The following PPP1R9A variants were observed in gnomAD, a reference collection of about 807,000 sequenced individuals.
PPP1R9A encodes the protein protein phosphatase 1 regulatory subunit 9A, also known as neurabin-1.
In PPP1R9A, 59 loss-of-function variants were observed where a neutral mutation model predicts 141.9. That is an observed-to-expected ratio of 0.42 (90% CI 0.34 to 0.52). PPP1R9A has a LOEUF of 0.52. Among genes scored for constraint, PPP1R9A ranks in the 20% least tolerant of loss-of-function variants. PPP1R9A has a pLI of 0.10. For missense variants in PPP1R9A, 1,444 were observed against 1,611.9 expected, an observed-to-expected ratio of 0.90 and a Z score of 1.78; for synonymous variants, 500 against 569.7, an observed-to-expected ratio of 0.88 and a Z score of 1.74.
intron 7 of PPP1R9A, among the ~76,000 whole-genome samples, chr7:95,223,481 G>A (rs1372770952): frequency 6.6e-6 from 1 of 151,920 alleles, no homozygotes; most frequent in Non-Finnish European, 1.5e-5. Context: ...TCCTTAGGAA[G>A]TTCTGTCTAT....
intron 2 of PPP1R9A, among the ~76,000 whole-genome samples, chr7:95,062,193 G>T (rs1432816648): frequency 6.6e-6 from 1 of 152,098 alleles, no homozygotes; most frequent in Non-Finnish European, 1.5e-5. Context: ...GGAGCAATCT[G>T]CCTGAGACTG....
At chr7:95,167,987 T>C (rs1349220062) in intron 5 of PPP1R9A, among the ~76,000 whole-genome samples, 1 of 152,142 alleles carries the variant, frequency 6.6e-6, no homozygotes, top group Non-Finnish European at 1.5e-5. Flanking sequence ...AGTCTACTGA[T>C]TCAGTACAAT....
chr7:94,937,176 T>C (rs890555438), intron 2 of PPP1R9A, among the ~76,000 whole-genome samples: 2 of 152,074 alleles, frequency 1.3e-5, no homozygotes, highest in African/African-American at 4.8e-5. Context: ...CATGTCTGAG[T>C]GTTGTGGGAT....
intron 4 of PPP1R9A, among the ~76,000 whole-genome samples, chr7:95,158,017 A>T (rs978573097): frequency 6.6e-6 from 1 of 152,250 alleles, no homozygotes; most frequent in Non-Finnish European, 1.5e-5. Flanking sequence ...GACTCAGACA[A>T]ATTTGAAGAA....
chr7:95,083,860 A>G (rs918920734), intron 2 of PPP1R9A, among the ~76,000 whole-genome samples: 11 of 152,048 alleles, frequency 7.2e-5, no homozygotes, highest in African/African-American at 2.7e-4. Flanking sequence ...AGATCCAAGG[A>G]GTTCAATGAA....
At chr7:94,924,216 T>A (rs1031924526) in intron 2 of PPP1R9A, among the ~76,000 whole-genome samples, 1 of 152,218 alleles carries the variant, frequency 6.6e-6, no homozygotes, top group Non-Finnish European at 1.5e-5. Context: ...TGCATATTTA[T>A]GTAAATTTGT....
chr7:95,085,368 A>G (rs1432131187), intron 2 of PPP1R9A, among the ~76,000 whole-genome samples: 1 of 151,438 alleles, frequency 6.6e-6, no homozygotes, highest in Non-Finnish European at 1.5e-5. Context: ...TCAGAGCGCT[A>G]GGATTATAGG....
chr7:95,167,162 A>T lies in PPP1R9A; in HGVS notation c.1754+5191A>T, dbSNP rs1161034513. Among the ~76,000 whole-genome samples, 3 of 152,276 alleles carry T rather than the reference A, an allele frequency of 2.0e-5. No individual in the cohort carries two copies. In the East Asian group the frequency reaches 5.8e-4, roughly 29 times the overall value. On this transcript the variant is annotated intron_variant, in intron 5 of 19. Coordinates refer to ENST00000433360, the MANE Select transcript of PPP1R9A (RefSeq NM_001166160.2). ...GGCAAGGAGGAGCAAGTCACATCTT[A>T]CATCTTACATGGATGACAGCAGGCA...
intron 4 of PPP1R9A, among the ~76,000 whole-genome samples, chr7:95,125,946 C>T (rs1201892216): frequency 6.6e-6 from 1 of 152,052 alleles, no homozygotes; most frequent in African/African-American, 2.4e-5. Flanking sequence ...GCCTGAAGTA[C>T]CCTTCAGCCT....
chr7:95,008,323 A>G lies in PPP1R9A; in HGVS notation c.1395+96815A>G, dbSNP rs567182722. On this transcript the variant is annotated intron_variant, in intron 2 of 19. Coordinates refer to ENST00000433360, the MANE Select transcript of PPP1R9A (RefSeq NM_001166160.2). ...GGAAACACCTACTTGAAATCTCCCTACAATCGGCATACAGATATATATGAA... is the reference window on the plus strand; with the variant it reads ...GGAAACACCTACTTGAAATCTCCCTGCAATCGGCATACAGATATATATGAA... Among the ~76,000 whole-genome samples the G allele has an allele frequency of 1.8e-4, 28 of 152,312 alleles. 1 individual carries two copies. The highest frequency in any genetic ancestry group is 6.5e-4 in the Admixed American group (10 of 15,300).
At chr7:95,159,925 C>CAAAAAAA (rs751687197) in intron 4 of PPP1R9A, among the ~76,000 whole-genome samples, 2 of 106,672 alleles carry the variant, frequency 1.9e-5, no homozygotes, top group African/African-American at 7.9e-5. Flanking sequence ...GACATTGTCT[C>CAAAAAAA]AAAAAAAAAA....
chr7:94,950,744 T>A (rs993135229), intron 2 of PPP1R9A, among the ~76,000 whole-genome samples: 1 of 152,116 alleles, frequency 6.6e-6, no homozygotes, highest in Non-Finnish European at 1.5e-5. Flanking sequence ...AGGCAATTAA[T>A]TTAAAAAGAT....
At chr7:94,955,672 G>C (rs1294195301) in intron 2 of PPP1R9A, among the ~76,000 whole-genome samples, 1 of 152,092 alleles carries the variant, frequency 6.6e-6, no homozygotes, top group Non-Finnish European at 1.5e-5. Context: ...GAAAATCAGT[G>C]CTTATTTGAA....
chr7:95,103,003 C>T (rs894579237), intron 2 of PPP1R9A, among the ~76,000 whole-genome samples: 3 of 152,098 alleles, frequency 2.0e-5, no homozygotes, highest in African/African-American at 7.2e-5. Flanking sequence ...CGTGGATTGG[C>T]CTCATCAAAT....
intron 8 of PPP1R9A, among the ~76,000 whole-genome samples, chr7:95,226,415 A>G (rs2152954024): frequency 6.6e-6 from 1 of 152,312 alleles, no homozygotes; most frequent in East Asian, 1.9e-4. Flanking sequence ...AAGTTTTGGT[A>G]ACTAGTGATA....
At chr7:95,058,129 T>A (rs1233933393) in intron 2 of PPP1R9A, among the ~76,000 whole-genome samples, 1 of 152,184 alleles carries the variant, frequency 6.6e-6, no homozygotes, top group Non-Finnish European at 1.5e-5. Context: ...AATAATACTG[T>A]AAGGATTGGT....
At position 95,237,343 on chromosome 7, in the gene PPP1R9A, G is replaced by A. The variant is rs1287335257; in HGVS notation, c.2113-10130G>A. ...CCCAAGTAGCTGGGATTACAAGTAT[G>A]CGCCACCACACCCAGCTAATTTTTG... On this transcript the variant is annotated intron_variant, in intron 8 of 19. Transcript: ENST00000433360. Among the ~76,000 whole-genome samples the A allele has an allele frequency of 7.9e-5, 12 of 151,476 alleles. No homozygotes were observed. In the South Asian group the frequency reaches 2.1e-3, roughly 26 times the overall value.
intron 5 of PPP1R9A, among the ~76,000 whole-genome samples, chr7:95,165,094 T>C (rs1157734946): frequency 5.3e-5 from 8 of 152,318 alleles, no homozygotes; most frequent in Admixed American, 2.0e-4. Flanking sequence ...ATATTTATGT[T>C]GTCCAAACTC....
chr7:94,948,367 C>T (rs1178931565), intron 2 of PPP1R9A, among the ~76,000 whole-genome samples: 2 of 151,934 alleles, frequency 1.3e-5, no homozygotes, highest in Non-Finnish European at 2.9e-5. Context: ...TTTACATTTT[C>T]CCTCTTCATT....
Sources: gnomAD v4.1 joint callset for allele counts (sites outside exome capture counted in the v4.1 genomes callset) on GRCh38, gnomAD v4.1.1 for gene constraint, MANE v1.5 for transcripts, NCBI Gene and HGNC (gene_info 2026-07-23, HGNC 2026-07-21) for gene names.